Variants in DPH7 observed in about 807,000 individuals in gnomAD.
DPH7 encodes the protein diphthine methyltransferase.
DPH7 carries 44 observed loss-of-function variants against 41.7 expected under a neutral mutation model. The ratio of observed to expected loss-of-function variants is 1.05; its 90% CI spans 0.83 to 1.36. The LOEUF is 1.36. DPH7 is among the 40% of genes most tolerant of loss of function. The pLI is 0.00. For missense variants in DPH7, 629 were observed against 577.5 expected (o/e 1.09, Z -0.91); for synonymous variants, 275 against 238.0 (o/e 1.16, Z -1.43).
intron 8 of DPH7, among the ~76,000 whole-genome samples, chr9:137,559,071 C>T (rs1162853170): frequency 6.6e-6 from 1 of 152,166 alleles, no homozygotes; most frequent in Non-Finnish European, 1.5e-5. Flanking sequence ...AATAGTTATA[C>T]CAGATATAGA....
Position 137,574,774 on chromosome 9 carries a change from A to C in DPH7, c.445T>G (p.Trp149Gly). ...EEQCLALSLD[W>G]STGKTGRAGD... is the part of the protein sequence containing the mutation. ...TACCTTCCAGTTTTCCCAGTGGACC[A>C]ATCTAGGGACAAAGCCAGACACTGC... Residue 149 changes from tryptophan (W) to glycine (G), a missense_variant, in exon 4 of 9, where the codon TGG (tryptophan) becomes GGG (glycine). Physicochemically the swap from Trp to Gly is radical, Grantham distance 184. Coordinates refer to ENST00000277540, the MANE Select transcript of DPH7 (RefSeq NM_138778.5). 4 of 1,614,052 alleles carry C rather than the reference A, an allele frequency of 2.5e-6. No homozygotes were observed. The highest frequency in any genetic ancestry group is 3.4e-6 in the Non-Finnish European group (4 of 1,180,006).
Position 137,565,156 on chromosome 9 carries a change from T to C in DPH7, c.641-2A>G. ...CCCTCAGAAGGCCATCGTCGCCCCC[T>C]GTGTGGAGAAAGAGAAGCATCAACA... is the stretch of plus-strand genomic sequence containing the variant. On this transcript the variant is annotated splice_acceptor_variant, in intron 5 of 8. Transcript: ENST00000277540. LOFTEE classifies it high-confidence loss of function. 2 of 1,613,644 alleles carry C rather than the reference T, an allele frequency of 1.2e-6. No individual in the cohort carries two copies. The highest frequency in any genetic ancestry group is 1.1e-5 in the South Asian group (1 of 91,074).
intron 8 of DPH7, among the ~76,000 whole-genome samples, chr9:137,557,325 G>A (rs1183842408): frequency 6.6e-6 from 1 of 152,146 alleles, no homozygotes; most frequent in Non-Finnish European, 1.5e-5. Flanking sequence ...GGTCAACATG[G>A]TGAAACCCCG....
At chr9:137,574,574 A>G (rs2133185059) in intron 4 of DPH7, 178 bp downstream of exon 4, 1 of 835,632 alleles carries the variant, frequency 1.2e-6, no homozygotes, top group Non-Finnish European at 1.9e-6. Context: ...AGGTAAAAAC[A>G]CTATCGCTAT....
At chr9:137,555,719 G>A in intron 8 of DPH7, 71 bp from the exon 9 acceptor site, 1 of 1,483,202 alleles carries the variant, frequency 6.7e-7, no homozygotes, top group East Asian at 2.3e-5. Flanking sequence ...TGTCACACCT[G>A]ACAGGGAGAC....
rs1837537730 is a variant in DPH7, at chr9:137,556,570, C to A, written c.950-922G>T. ...TGTATGGGCCTGGGCCGGGGAGGCC[C>A]AACCCTGGGCCCAGGGCTTCAACTG... On this transcript the variant is annotated intron_variant, in intron 8 of 8. Transcript: ENST00000277540. This position sits in a 1 kb window ranked among gnomAD's most constrained non-coding sequence, Gnocchi z 5.2. 1.5e-5 allele frequency: 5 copies of A among 324,138 alleles called. No homozygotes were observed. Among genetic ancestry groups the A allele is most frequent in the South Asian group, 1.2e-4 (5 of 41,426 alleles). 20.1% of individuals were successfully genotyped at this position (324,138 alleles called of 1,614,324 possible).
At chr9:137,558,935 C>A (rs763049093) in intron 8 of DPH7, among the ~76,000 whole-genome samples, 1 of 152,030 alleles carries the variant, frequency 6.6e-6, no homozygotes, top group Non-Finnish European at 1.5e-5. Context: ...GGATTACAGG[C>A]GTGAGACACT....
Position 137,564,528 on chromosome 9 carries a change from T to C in DPH7, c.855A>G (p.Val285=). The change falls in exon 8 of 9, where the codon GTA becomes GTG. Residue 285 remains valine (V), a synonymous_variant. Coordinates refer to ENST00000277540, the MANE Select transcript of DPH7 (RefSeq NM_138778.5). ...PLADTPVQGG[V]WRIKWHPFHH... is the part of the protein sequence containing the mutation. Reference sequence around the variant, plus strand: ...GGAAAGGGTGCCACTTGATTCTCCATACCCCACCCTGCACAGGCGTATCTG... The same window carrying C: ...GGAAAGGGTGCCACTTGATTCTCCACACCCCACCCTGCACAGGCGTATCTG... 1.2e-6 allele frequency: 2 copies of C among 1,614,120 alleles called. No homozygotes were observed. Among genetic ancestry groups the C allele is most frequent in the Non-Finnish European group, 1.7e-6 (2 of 1,179,990 alleles).
chr9:137,570,203 G>A (rs1588896433), intron 5 of DPH7, among the ~76,000 whole-genome samples: 3 of 136,932 alleles, frequency 2.2e-5, no homozygotes, highest in South Asian at 2.5e-4. Context: ...TAGACACTAC[G>A]GATACACAGT....
intron 8 of DPH7, among the ~76,000 whole-genome samples, chr9:137,559,212 CTGAGGGGACATAG>C (rs1301616316): frequency 6.6e-6 from 1 of 151,450 alleles, no homozygotes; most frequent in Non-Finnish European, 1.5e-5. Flanking sequence ...GAGATAGGAG[CTGAGGGGACATAG>C]TGAGGTGTGA....
chr9:137,561,032 A>G (rs1838471541), intron 8 of DPH7, among the ~76,000 whole-genome samples: 1 of 150,928 alleles, frequency 6.6e-6, no homozygotes, highest in South Asian at 2.1e-4. Flanking sequence ...AAAAAAAAAA[A>G]AAAAAAAAAG....
chr9:137,578,242 G>C (rs1841779926), intron 1 of DPH7: 2 of 153,454 alleles, frequency 1.3e-5, no homozygotes, highest in South Asian at 4.1e-4. Context: ...TCGGCTCACT[G>C]CAAGCTCTGC....
At chr9:137,561,168 G>A (rs909316990) in intron 8 of DPH7, among the ~76,000 whole-genome samples, 2 of 152,158 alleles carry the variant, frequency 1.3e-5, no homozygotes, top group African/African-American at 4.8e-5. Context: ...ACAGATTACT[G>A]ATTAATCCCA....
chr9:137,575,486 C>G (rs933492462), intron 3 of DPH7: 7 of 990,562 alleles, frequency 7.1e-6, no homozygotes, highest in Non-Finnish European at 8.4e-6. Flanking sequence ...GGCAACTGCT[C>G]TAAGCTGCCT....
chr9:137,572,201 C>T (rs771038033), intron 5 of DPH7, among the ~76,000 whole-genome samples: 4 of 152,110 alleles, frequency 2.6e-5, no homozygotes, highest in African/African-American at 7.2e-5. Context: ...TTAAGCTGGG[C>T]ATGTCAAAAA....
At chr9:137,576,403 C>A in intron 2 of DPH7, 2 of 527,242 alleles carry the variant, frequency 3.8e-6, no homozygotes, top group Non-Finnish European at 6.9e-6. Flanking sequence ...GGTTGTATAT[C>A]TAAACATAGA....
chr9:137,575,496 T>C, intron 3 of DPH7: 1 of 991,220 alleles, frequency 1.0e-6, no homozygotes, highest in African/African-American at 1.7e-5. Flanking sequence ...CTAAGCTGCC[T>C]TAAGCAAGGC....
At position 137,577,508 on chromosome 9, in the gene DPH7, G is replaced by C; in HGVS notation, c.249C>G (p.Val83=). ...DNNSIHPLVE[V]QRKDTSAILD... ...GGATTGCAGAAGTATCTTTTCTTTG[G>C]ACCTCGACCAGAGGGTGAATAGAGT... The change falls in exon 2 of 9, where the codon GTC becomes GTG. Residue 83 remains valine, a synonymous_variant. Transcript: ENST00000277540. 1 of 1,614,018 alleles carries C rather than the reference G, an allele frequency of 6.2e-7. No homozygotes were observed. The highest frequency in any genetic ancestry group is 2.2e-5 in the East Asian group (1 of 44,886).
At position 137,576,066 on chromosome 9, in the gene DPH7, T is replaced by G. The variant is rs1405022420; in HGVS notation, c.375+14A>C. On this transcript the variant is annotated intron_variant, in intron 3 of 8. Coordinates refer to ENST00000277540, the MANE Select transcript of DPH7 (RefSeq NM_138778.5). ...GGTCCCTTCTGCCCCACAGAACAAG[T>G]GCAAGTCACTGACCTCAGATTCCAC... is the stretch of plus-strand genomic sequence containing the variant. 6.2e-7 allele frequency: 1 copy of G among 1,613,838 alleles called. No homozygotes were observed.
Sources: allele counts gnomAD v4.1 joint callset (sites outside exome capture counted in the v4.1 genomes callset), GRCh38; gene constraint gnomAD v4.1.1; non-coding constraint Gnocchi (gnomAD v3.1); transcripts MANE v1.5; gene names NCBI Gene and HGNC (gene_info 2026-07-23, HGNC 2026-07-21).